Variants in CSMD1 observed in about 807,000 individuals in gnomAD.
CSMD1 encodes CUB and sushi domain-containing protein 1.
In CSMD1, 213 loss-of-function variants were observed where a neutral mutation model predicts 417.5. The observed-to-expected ratio is 0.51, with a 90% confidence interval of 0.46 to 0.57. The LOEUF (loss-of-function observed/expected upper bound fraction) is 0.57. Ranked by LOEUF, CSMD1 falls within the 20% of genes least tolerant of loss-of-function variation. The pLI, the probability that CSMD1 is intolerant of heterozygous loss-of-function variation, is 0.00. For missense variants in CSMD1, 6,923 were observed against 4,529.7 expected, an observed-to-expected ratio of 1.53 and a Z score of -15.17; for synonymous variants, 2,862 against 1,736.8, an observed-to-expected ratio of 1.65 and a Z score of -16.11.
At chr8:4,294,175 A>G (rs1047971721) in intron 3 of CSMD1, among the ~76,000 whole-genome samples, 13 of 152,214 alleles carry the variant, frequency 8.5e-5, no homozygotes, top group African/African-American at 3.1e-4. Context: ...AGATGCCATC[A>G]GCAGCAACTA....
chr8:3,370,061 A>G (rs567714543), intron 18 of CSMD1, among the ~76,000 whole-genome samples: 70 of 152,352 alleles, frequency 4.6e-4, no homozygotes, highest in African/African-American at 1.4e-3. Flanking sequence ...AATGATTAAA[A>G]TGGTACCTAC....
chr8:3,699,545 T>C lies in CSMD1; in HGVS notation c.1009+8869A>G, dbSNP rs148831121. Among the ~76,000 whole-genome samples the C allele has an allele frequency of 4.8e-3, 738 of 152,330 alleles. 10 individuals are homozygous for C. The highest frequency in any genetic ancestry group is 0.017 in the African/African-American group (702 of 41,576). On this transcript the variant is annotated intron_variant, in intron 7 of 69. Coordinates refer to ENST00000635120, the MANE Select transcript of CSMD1 (RefSeq NM_033225.6). The stretch of plus-strand genomic sequence containing the variant: ...TACGGCTTTCCATCCTCTATTTCTA[T>C]GGATTTCTATATTTTATGGGTTGAT...
intron 3 of CSMD1, among the ~76,000 whole-genome samples, chr8:4,299,268 G>A (rs560063067): frequency 3.9e-5 from 6 of 152,020 alleles, no homozygotes; most frequent in East Asian, 1.9e-4. Context: ...TAAAACCGTC[G>A]GATAAGATAA....
intron 3 of CSMD1, among the ~76,000 whole-genome samples, chr8:4,108,910 A>C (rs1382713628): frequency 6.6e-6 from 1 of 152,192 alleles, no homozygotes; most frequent in Non-Finnish European, 1.5e-5. Flanking sequence ...TCATTTAAAA[A>C]ACTGTGACAA....
chr8:3,225,282 T>C (rs1049285748), intron 27 of CSMD1, among the ~76,000 whole-genome samples: 2 of 152,208 alleles, frequency 1.3e-5, no homozygotes, highest in African/African-American at 4.8e-5. Context: ...AAACTCTGAA[T>C]GCTATTGTAG....
intron 6 of CSMD1, among the ~76,000 whole-genome samples, chr8:3,713,132 T>C (rs1288146127): frequency 6.6e-6 from 1 of 152,184 alleles, no homozygotes; most frequent in African/African-American, 2.4e-5. Flanking sequence ...GGGGGAAATA[T>C]TTTTAGTTTA....
intron 1 of CSMD1, among the ~76,000 whole-genome samples, chr8:4,757,788 G>A (rs1172715153): frequency 6.6e-6 from 1 of 151,858 alleles, no homozygotes; most frequent in East Asian, 1.9e-4. Flanking sequence ...GTGAAACCCT[G>A]TTTCTACTAA....
In CSMD1 at chr8:4,202,546, C is replaced by T. The variant is rs560188654; in HGVS notation, c.416-170447G>A. Among the ~76,000 whole-genome samples, 188 of 152,308 alleles carry T rather than the reference C, an allele frequency of 1.2e-3. 2 individuals are homozygous for T. The highest frequency in any genetic ancestry group is 2.3e-3 in the Non-Finnish European group (154 of 68,030). On this transcript the variant is annotated intron_variant, in intron 3 of 69. Coordinates refer to ENST00000635120, the MANE Select transcript of CSMD1 (RefSeq NM_033225.6). ...AAATTTAAAACTCTATTTGTCAGGA[C>T]ATCAGCCTCGACAAATTACTCCTGT...
intron 5 of CSMD1, among the ~76,000 whole-genome samples, chr8:3,971,991 T>G (rs1813123117): frequency 6.6e-6 from 1 of 151,984 alleles, no homozygotes; most frequent in Non-Finnish European, 1.5e-5. Flanking sequence ...ACTGCAGCCT[T>G]GACCTCCCAG....
intron 1 of CSMD1, among the ~76,000 whole-genome samples, 181 bp downstream of exon 1, chr8:4,994,151 T>C (rs1410674315): frequency 6.6e-6 from 1 of 151,584 alleles, no homozygotes; most frequent in East Asian, 2.0e-4. Context: ...CCAGGAGGGC[T>C]GGGGAGAGCG....
intron 2 of CSMD1, among the ~76,000 whole-genome samples, chr8:4,619,447 G>C (rs1468009033): frequency 9.2e-5 from 14 of 152,160 alleles, no homozygotes; most frequent in Non-Finnish European, 1.6e-4. Context: ...CGTTGTGACA[G>C]TAGCTAGTGT....
At chr8:4,328,034 AG>A (rs1799656000) in intron 3 of CSMD1, among the ~76,000 whole-genome samples, 1 of 152,154 alleles carries the variant, frequency 6.6e-6, no homozygotes, top group African/African-American at 2.4e-5. Context: ...ACTTAGCGTC[AG>A]TTATTGGTGA....
chr8:3,771,078 C>G (rs1798545091), intron 5 of CSMD1, among the ~76,000 whole-genome samples: 3 of 151,518 alleles, frequency 2.0e-5, no homozygotes, highest in Admixed American at 2.0e-4. Context: ...GGACAATAGT[C>G]TTGGGGGTAT....
At chr8:4,945,698 G>A (rs60871582) in intron 1 of CSMD1, among the ~76,000 whole-genome samples, 2 of 152,156 alleles carry the variant, frequency 1.3e-5, no homozygotes, top group Non-Finnish European at 2.9e-5. Context: ...CATTAACAAA[G>A]ACAAAGAGAA....
chr8:4,908,848 T>A (rs10216422), intron 1 of CSMD1, among the ~76,000 whole-genome samples: 2 of 152,030 alleles, frequency 1.3e-5, no homozygotes, highest in African/African-American at 4.8e-5. Context: ...TCATACTCAC[T>A]TAAAATATCT....
intron 8 of CSMD1, among the ~76,000 whole-genome samples, chr8:3,607,928 G>C (rs1801699400): frequency 6.6e-6 from 1 of 152,128 alleles, no homozygotes; most frequent in South Asian, 2.1e-4. Context: ...CCAGCACTTT[G>C]GGAGGCCAAG....
At chr8:4,729,513 G>T (rs1227313705) in intron 1 of CSMD1, among the ~76,000 whole-genome samples, 1 of 152,186 alleles carries the variant, frequency 6.6e-6, no homozygotes, top group Non-Finnish European at 1.5e-5. Flanking sequence ...TAAGGTGAAT[G>T]AAATACACAT....
intron 5 of CSMD1, among the ~76,000 whole-genome samples, chr8:3,903,213 C>G (rs1807879442): frequency 6.6e-6 from 1 of 152,050 alleles, no homozygotes. Flanking sequence ...TGACTCTGCA[C>G]CAGTGGCCTC....
intron 1 of CSMD1, among the ~76,000 whole-genome samples, chr8:4,750,598 G>C (rs4875377): frequency 0.54 from 81,188 of 151,374 alleles, 23,086 homozygotes; most frequent in East Asian, 0.71. Flanking sequence ...AGTGGTTCGT[G>C]ATCCAGCAAT....
Sources: allele counts gnomAD v4.1 joint callset (sites outside exome capture counted in the v4.1 genomes callset), GRCh38; gene constraint gnomAD v4.1.1; transcripts MANE v1.5; gene names NCBI Gene and HGNC (gene_info 2026-07-23, HGNC 2026-07-21).